RHNO1: variants seen among roughly 807,000 people sequenced by gnomAD.
RHNO1 encodes the protein RAD9, HUS1, RAD1-interacting nuclear orphan protein 1.
In RHNO1, 9 loss-of-function variants were observed where a neutral mutation model predicts 7.2. That is an observed-to-expected ratio of 1.25 (90% confidence interval 0.75 to 2.18). The LOEUF is 2.18. Among genes scored for constraint, RHNO1 ranks in the 30% most tolerant of loss-of-function variants. The pLI, the probability that RHNO1 is intolerant of heterozygous loss-of-function variation, is 0.00. For missense variants in RHNO1, 292 were observed against 284.5 expected (o/e 1.03, Z -0.19); for synonymous variants, 95 against 107.5 (o/e 0.88, Z 0.72).
Position 2,888,208 on chromosome 12 carries a change from GAT to G in RHNO1, c.469_470del (p.Ile157ProfsTer33). 6.2e-7 allele frequency: 1 copy of G among 1,614,102 alleles called. No homozygotes were observed. The highest frequency in any genetic ancestry group is 8.5e-7 in the Non-Finnish European group (1 of 1,180,026). ...CTTACCTTATGTGTTCATTCCACCT[GAT>G]ATCCAGACCCCAGAGTCATCGTCTG... ...QSLPYVFIPP[D>X]IQTPESSSVK... On this transcript the variant is annotated frameshift_variant, in exon 3 of 3. Coordinates refer to ENST00000489288, the MANE Select transcript of RHNO1 (RefSeq NM_001252499.3). LOFTEE classifies it low-confidence loss of function (END_TRUNC).
rs201547442 is a variant in RHNO1, at chr12:2,888,385, A to G, written c.643A>G (p.Arg215Gly). 1.3e-4 allele frequency: 211 copies of G among 1,613,772 alleles called. No individual in the cohort carries two copies. The highest frequency in any genetic ancestry group is 1.6e-4 in the Non-Finnish European group (191 of 1,179,872). The change falls in exon 3 of 3, where the codon AGA (arginine) becomes GGA (glycine). Residue 215 changes from arginine to glycine, a missense_variant. Physicochemically the swap from Arg to Gly is moderately radical, Grantham distance 125. Coordinates refer to ENST00000489288, the MANE Select transcript of RHNO1 (RefSeq NM_001252499.3). Reference sequence around the variant, plus strand: ...GTATGGAATAAAGGTCACATGGAGGAGACGACAGCACCTGCTTGCTTACCT... The same window carrying G: ...GTATGGAATAAAGGTCACATGGAGGGGACGACAGCACCTGCTTGCTTACCT... ...DKYGIKVTWR[R>G]RQHLLAYLRE...
At chr12:2,884,101 C>T (rs2098162455) in intron 1 of RHNO1, among the ~76,000 whole-genome samples, 1 of 151,932 alleles carries the variant, frequency 6.6e-6, no homozygotes, top group South Asian at 2.1e-4. Context: ...CGCTTTGTCT[C>T]CCAGGCTGGA....
intron 1 of RHNO1, among the ~76,000 whole-genome samples, chr12:2,881,155 T>C (rs1463775237): frequency 6.6e-6 from 1 of 152,012 alleles, no homozygotes; most frequent in African/African-American, 2.4e-5. Context: ...CAGGCTGGAG[T>C]GCAGTGGCGT....
At chr12:2,882,965 G>T (rs2153944946) in intron 1 of RHNO1, among the ~76,000 whole-genome samples, 1 of 151,692 alleles carries the variant, frequency 6.6e-6, no homozygotes, top group East Asian at 1.9e-4. Flanking sequence ...TACTCAGGAA[G>T]CTGATGTGGG....
chr12:2,879,499 A>AT (rs1319493193), intron 1 of RHNO1, among the ~76,000 whole-genome samples: 1 of 151,290 alleles, frequency 6.6e-6, no homozygotes, highest in Non-Finnish European at 1.5e-5. Flanking sequence ...TGCCCACCTG[A>AT]TTTTTTGTAT....
At chr12:2,878,587 G>A (rs1311325968) in intron 1 of RHNO1, among the ~76,000 whole-genome samples, 1 of 151,976 alleles carries the variant, frequency 6.6e-6, no homozygotes, top group Non-Finnish European at 1.5e-5. Flanking sequence ...ATTTTAAAAG[G>A]TCCCTCTATA....
At position 2,889,448 on chromosome 12, in the gene RHNO1, C is replaced by A. The variant is rs1398320935; in HGVS notation, c.*989C>A. Reference sequence around the variant, plus strand: ...ACTTATTGTAATTAATGCAGAAGGACTTCCCCAGTCAACCGAATGTCTCGG... The same window carrying A: ...ACTTATTGTAATTAATGCAGAAGGAATTCCCCAGTCAACCGAATGTCTCGG... On this transcript the variant is annotated 3_prime_UTR_variant, in exon 3 of 3. Transcript: ENST00000489288. 1.3e-5 allele frequency: 2 copies of A among 152,168 alleles called. No individual in the cohort carries two copies. 9.4% of individuals were successfully genotyped at this position (152,168 alleles called of 1,614,324 possible).
chr12:2,876,633 G>A (rs1234439316), upstream of RHNO1: 1 of 152,362 alleles, frequency 6.6e-6, no homozygotes, highest in Non-Finnish European at 1.5e-5. Context: ...CTCAGCCACA[G>A]TCGGCCTAAG....
chr12:2,888,060 A>G lies in RHNO1; in HGVS notation c.318A>G (p.Thr106=), dbSNP rs2098167740. Residue 106 remains threonine (T), a synonymous_variant, in exon 3 of 3, where the codon ACA becomes ACG. Transcript: ENST00000489288. The part of the protein sequence containing the change: ...FESPQSSSSE[T]LGIPLIRECP... ...GTCCGCAATCTTCCAGTTCAGAGAC[A>G]TTGGGGATCCCCTTAATCCGAGAGT... 2 of 1,614,176 alleles carry G rather than the reference A, an allele frequency of 1.2e-6. No individual in the cohort carries two copies. The highest frequency in any genetic ancestry group is 1.7e-6 in the Non-Finnish European group (2 of 1,180,034).
At chr12:2,885,120 G>A (rs1490211792) in intron 1 of RHNO1, 163 bp from the exon 2 acceptor site, 2 of 450,168 alleles carry the variant, frequency 4.4e-6, no homozygotes, top group Admixed American at 8.0e-5. Flanking sequence ...TTCGTTAGAT[G>A]AATGTTGAAT....
In RHNO1 at chr12:2,888,522, C is replaced by G; in HGVS notation, c.*63C>G. On this transcript the variant is annotated 3_prime_UTR_variant, in exon 3 of 3. Transcript: ENST00000489288. ...TCTGGAGTCATAAAGGAATTCAATT[C>G]CTAGGGTTTTTGTTTTTGTTTTTGA... 5.6e-6 allele frequency: 8 copies of G among 1,429,550 alleles called. No individual in the cohort carries two copies. Among genetic ancestry groups the G allele is most frequent in the Non-Finnish European group, 7.5e-6 (8 of 1,073,556 alleles). The allele number at this position is 1,429,550 out of a possible 1,614,324, so 88.6% of individuals were successfully genotyped here.
In RHNO1 at chr12:2,883,509, ATATTTTTTTTTTTT is replaced by A. The variant is rs1325155617; in HGVS notation, c.-84-1772_-84-1759del. Among the ~76,000 whole-genome samples the A allele has an allele frequency of 4.5e-4, 11 of 24,232 alleles. 1 individual carries two copies. The highest frequency in any genetic ancestry group is 1.7e-3 in the African/African-American group (6 of 3,628). The allele number at this position is 24,232 out of a possible 152,430, so 15.9% of individuals were successfully genotyped here. A position where few individuals can be genotyped will look rare whatever the true frequency, so the allele number is the denominator to read the frequency against. ...TATATATATATATATATATATATAT[ATATTTTTTTTTTTT>A]TTTTTTTTTTTGAGACGGAGTTTCA... is the stretch of plus-strand genomic sequence containing the variant. On this transcript the variant is annotated intron_variant, in intron 1 of 2. Coordinates refer to ENST00000489288, the MANE Select transcript of RHNO1 (RefSeq NM_001252499.3).
chr12:2,880,485 A>G (rs1412271421), intron 1 of RHNO1, among the ~76,000 whole-genome samples: 3 of 151,430 alleles, frequency 2.0e-5, no homozygotes, highest in Non-Finnish European at 4.4e-5. Context: ...GGGCGTGGTG[A>G]GGGCGCCTGT....
In RHNO1 at chr12:2,888,397, C is replaced by T. The variant is rs749811458; in HGVS notation, c.655C>T (p.Leu219=). 8 of 1,612,328 alleles carry T rather than the reference C, an allele frequency of 5.0e-6. No individual in the cohort carries two copies. The highest frequency in any genetic ancestry group is 1.7e-5 in the Admixed American group (1 of 59,618). ...IKVTWRRRQH[L]LAYLRERGKL... is the part of the protein sequence containing the mutation. Reference sequence around the variant, plus strand: ...GGTCACATGGAGGAGACGACAGCACCTGCTTGCTTACCTCAGGGAGAGAGG... The same window carrying T: ...GGTCACATGGAGGAGACGACAGCACTTGCTTGCTTACCTCAGGGAGAGAGG... The change falls in exon 3 of 3, where the codon CTG becomes TTG. Residue 219 remains leucine, a synonymous_variant. Transcript: ENST00000489288.
In RHNO1 at chr12:2,885,446, A is replaced by G. The variant is rs142328102; in HGVS notation, c.80A>G (p.Lys27Arg). 7,132 of 1,613,652 alleles carry G rather than the reference A, an allele frequency of 4.4e-3. 33 individuals carry two copies. Among genetic ancestry groups the G allele is most frequent in the Non-Finnish European group, 4.9e-3 (5,778 of 1,179,896 alleles). The stretch of plus-strand genomic sequence containing the variant: ...CACCAACAACCACTGGAGGGCCCCA[A>G]ACACAGCTGTGCATCTACACAGCTT... ...LFHQQPLEGP[K>R]HSCASTQLPI... The change falls in exon 2 of 3, where the codon AAA (lysine) becomes AGA (arginine). Residue 27 changes from lysine to arginine, a missense_variant. By Grantham distance (26) the Lys-to-Arg change is conservative. Coordinates refer to ENST00000489288, the MANE Select transcript of RHNO1 (RefSeq NM_001252499.3).
chr12:2,887,630 G>A (rs1194130783), intron 2 of RHNO1, among the ~76,000 whole-genome samples: 3 of 152,218 alleles, frequency 2.0e-5, no homozygotes, highest in East Asian at 3.9e-4. Flanking sequence ...CCTAGACGTC[G>A]GAGTGAGACT....
At chr12:2,879,037 T>G (rs1041246398) in intron 1 of RHNO1, among the ~76,000 whole-genome samples, 3 of 151,876 alleles carry the variant, frequency 2.0e-5, no homozygotes, top group Non-Finnish European at 4.4e-5. Context: ...TCTTGCTCTG[T>G]CCCCCAGGCT....
chr12:2,879,245 C>G (rs1452582942), intron 1 of RHNO1, among the ~76,000 whole-genome samples: 1 of 151,926 alleles, frequency 6.6e-6, no homozygotes, highest in Admixed American at 6.5e-5. Flanking sequence ...TTCAAGTGAT[C>G]CTCCCACCTT....
chr12:2,880,531 C>T (rs946783949), intron 1 of RHNO1, among the ~76,000 whole-genome samples: 2 of 151,494 alleles, frequency 1.3e-5, no homozygotes, highest in African/African-American at 2.4e-5. Context: ...GCAGGAGAAT[C>T]GCTTGGACCT....
Sources: allele counts gnomAD v4.1 joint callset (sites outside exome capture counted in the v4.1 genomes callset), GRCh38; gene constraint gnomAD v4.1.1; transcripts MANE v1.5; gene names NCBI Gene and HGNC (gene_info 2026-07-23, HGNC 2026-07-21).